CAPN11: variants seen among roughly 807,000 people sequenced by gnomAD.
CAPN11 encodes calpain-11.
Under a neutral mutation model 105.3 loss-of-function variants are expected in CAPN11, and 108 were observed. The ratio of observed to expected loss-of-function variants is 1.03; its 90% confidence interval spans 0.88 to 1.20. The LOEUF (loss-of-function observed/expected upper bound fraction) is 1.20, where lower values mean the gene tolerates loss of function less well. Ranked by LOEUF, CAPN11 falls within the 50% of genes most tolerant of loss-of-function variation. The pLI is 0.00. For synonymous variants in CAPN11, 329 were observed against 344.5 expected, an observed-to-expected ratio of 0.96 and a Z score of 0.50; for missense variants, 883 against 924.8, an observed-to-expected ratio of 0.95 and a Z score of 0.59.
intron 1 of CAPN11, among the ~76,000 whole-genome samples, chr6:44,165,912 G>A (rs2039359): frequency 0.3 from 46,075 of 151,976 alleles, 8,753 homozygotes; most frequent in Non-Finnish European, 0.42. Context: ...AATTGGAGAG[G>A]GTCTTCAGGA....
chr6:44,176,941 T>C lies in CAPN11; in HGVS notation c.1180T>C (p.Phe394Leu). 1 of 1,613,898 alleles carries C rather than the reference T, an allele frequency of 6.2e-7. No individual in the cohort carries two copies. Among genetic ancestry groups the C allele is most frequent in the Non-Finnish European group, 8.5e-7 (1 of 1,179,878 alleles). The change falls in exon 11 of 23, where the codon TTC becomes CTC. Residue 394 changes from phenylalanine (F) to leucine (L), a missense_variant. Transcript: ENST00000398776. ...GDYKSYWHTT[F>L]YEGSWRRGSS... The stretch of plus-strand genomic sequence containing the variant: ...CTACAAGAGCTACTGGCACACCACC[T>C]TCTACGAGGGCAGCTGGCGCAGAGG...
intron 18 of CAPN11, 105 bp downstream of exon 18, chr6:44,181,102 G>A (rs1773062018): frequency 8.1e-7 from 1 of 1,236,888 alleles, no homozygotes; most frequent in Non-Finnish European, 1.2e-6. Flanking sequence ...ATGGGGATTA[G>A]GCTCTGGGGT....
chr6:44,180,449 A>G lies in CAPN11; in HGVS notation c.1641-11A>G. 2 of 1,613,334 alleles carry G rather than the reference A, an allele frequency of 1.2e-6. No homozygotes were observed. Among genetic ancestry groups the G allele is most frequent in the African/African-American group, 2.7e-5 (2 of 74,858 alleles). On this transcript the variant is annotated splice_polypyrimidine_tract_variant and intron_variant, in intron 14 of 22. Coordinates refer to ENST00000398776, the MANE Select transcript of CAPN11 (RefSeq NM_007058.4). ...CCTGGTAACTCTTGAGCTTTCAATC[A>G]TTTTGCCCAGGGAATTGGATGAAGT...
At chr6:44,176,043 C>T (rs373821421) in intron 7 of CAPN11, 25 bp from the exon 8 acceptor site, 1 of 1,553,578 alleles carries the variant, frequency 6.4e-7, no homozygotes. Context: ...GCCCTCCATG[C>T]TCTCCCTCCC....
chr6:44,177,493 T>TTTCA (rs756014098), intron 12 of CAPN11, 73 bp downstream of exon 12: 1 of 786,804 alleles, frequency 1.3e-6, no homozygotes, highest in Non-Finnish European at 1.7e-6. Flanking sequence ...TCTTTCTTTC[T>TTTCA]TTTTTTTTTT....
Position 44,169,364 on chromosome 6 carries a change from G to T in CAPN11, c.172G>T (p.Ala58Ser). The stretch of plus-strand genomic sequence containing the variant: ...CAAGGGCGTGGGCCAGCACGACAAC[G>T]CCCAGAACTTTGGTAACCAGAGCTT... ...KAKGVGQHDNAQNFGNQSFEE... is the reference protein window; with the variant it reads ...KAKGVGQHDNSQNFGNQSFEE... The change falls in exon 3 of 23, where the codon GCC (alanine) becomes TCC (serine). Residue 58 changes from alanine to serine, a missense_variant. Coordinates refer to ENST00000398776, the MANE Select transcript of CAPN11 (RefSeq NM_007058.4). 6.2e-7 allele frequency: 1 copy of T among 1,613,958 alleles called. No homozygotes were observed. The highest frequency in any genetic ancestry group is 8.5e-7 in the Non-Finnish European group (1 of 1,179,888).
chr6:44,181,298 G>T lies in CAPN11; in HGVS notation c.1916G>T (p.Trp639Leu). ...KLGLLEFKILWKKLKKWMDIF... is the reference protein window; with the variant it reads ...KLGLLEFKILLKKLKKWMDIF... Reference sequence around the variant, plus strand: ...GGGCTTCTAGAGTTCAAGATCCTGTGGAAAAAACTCAAGAAATGGATGGTA... The same window carrying T: ...GGGCTTCTAGAGTTCAAGATCCTGTTGAAAAAACTCAAGAAATGGATGGTA... Residue 639 changes from tryptophan (W) to leucine (L), a missense_variant, in exon 19 of 23, where the codon TGG (tryptophan) becomes TTG (leucine). By Grantham distance (61) the Trp-to-Leu change is moderately conservative. Transcript: ENST00000398776. The T allele has an allele frequency of 6.2e-7, 1 of 1,613,384 alleles. No homozygotes were observed. Among genetic ancestry groups the T allele is most frequent in the South Asian group, 1.1e-5 (1 of 91,076 alleles).
chr6:44,173,453 C>T lies in CAPN11; in HGVS notation c.831+67C>T, dbSNP rs1771360923. 5 of 1,014,440 alleles carry T rather than the reference C, an allele frequency of 4.9e-6. No homozygotes were observed. In the East Asian group the frequency reaches 1.3e-4, roughly 26 times the overall value. The allele number at this position is 1,014,440 out of a possible 1,614,324, so 62.8% of individuals were successfully genotyped here. On this transcript the variant is annotated intron_variant, in intron 7 of 22. Coordinates refer to ENST00000398776, the MANE Select transcript of CAPN11 (RefSeq NM_007058.4). ...TGTTGCTGTCACCCAAAAGGCTCTT[C>T]CCCCAGTATCTGCACGGCCAGCACC...
At position 44,180,034 on chromosome 6, in the gene CAPN11, A is replaced by G. The variant is rs1291684011; in HGVS notation, c.1511A>G (p.Asn504Ser). ...QDHGFSEIFT[N>S]SREVSSQLRL... is the part of the protein sequence containing the mutation. ...CACGGCTTCTCAGAGATCTTCACCA[A>G]CTCACGGGAGGTGAGCAGCCAACTC... Residue 504 changes from asparagine (N) to serine (S), a missense_variant, in exon 14 of 23, where the codon AAC (asparagine) becomes AGC (serine). By Grantham distance (46) the Asn-to-Ser change is conservative (BLOSUM62 1). Coordinates refer to ENST00000398776, the MANE Select transcript of CAPN11 (RefSeq NM_007058.4). 8 of 1,612,578 alleles carry G rather than the reference A, an allele frequency of 5.0e-6. No individual in the cohort carries two copies. Among genetic ancestry groups the G allele is most frequent in the Non-Finnish European group, 6.8e-6 (8 of 1,178,810 alleles).
At chr6:44,161,652 G>T in intron 1 of CAPN11, 1 of 389,914 alleles carries the variant, frequency 2.6e-6, no homozygotes, top group South Asian at 1.8e-5. Context: ...TGACTTGTTG[G>T]GCTGGATGGT....
At chr6:44,172,918 G>A (rs562612246) in intron 5 of CAPN11, 22 bp from the exon 6 acceptor site, 2 of 1,611,494 alleles carry the variant, frequency 1.2e-6, no homozygotes, top group East Asian at 2.2e-5. Context: ...CCACGCAAGG[G>A]GTGTGTGTTT....
intron 19 of CAPN11, among the ~76,000 whole-genome samples, 164 bp downstream of exon 19, chr6:44,181,484 A>C (rs1309226945): frequency 3.7e-5 from 3 of 81,406 alleles, no homozygotes; most frequent in African/African-American, 5.2e-5. Flanking sequence ...TACAGACACA[A>C]CCACACCACA....
At chr6:44,176,510 A>T in intron 9 of CAPN11, 71 bp from the exon 10 acceptor site, 1 of 1,428,700 alleles carries the variant, frequency 7.0e-7, no homozygotes, top group Non-Finnish European at 9.9e-7. Flanking sequence ...GGGAAGAGGC[A>T]GTCCCCTGGA....
At chr6:44,164,643 A>T (rs1685042875) in intron 1 of CAPN11, among the ~76,000 whole-genome samples, 1 of 152,192 alleles carries the variant, frequency 6.6e-6, no homozygotes, top group South Asian at 2.1e-4. Context: ...AGGCACTGGG[A>T]GGCTGAACAG....
rs112910112 is a variant in CAPN11, at chr6:44,162,779, T to C, written c.16+3915T>C. Among the ~76,000 whole-genome samples, 166 of 151,304 alleles carry C rather than the reference T, an allele frequency of 1.1e-3. 2 individuals are homozygous for C. Among genetic ancestry groups the C allele is most frequent in the African/African-American group, 3.9e-3 (159 of 41,172 alleles). ...CTGGGGGAGGAATCGCATGGGAGGG[T>C]CTTCTCCACGCTCCATGTTGGGGGT... On this transcript the variant is annotated intron_variant, in intron 1 of 22. Coordinates refer to ENST00000398776, the MANE Select transcript of CAPN11 (RefSeq NM_007058.4).
chr6:44,173,291 G>A lies in CAPN11; in HGVS notation c.736G>A (p.Ala246Thr), dbSNP rs1478972127. Reference protein sequence around the residue: ...EGLEDFTGGVAQSFQLQRPPQ... With the variant: ...EGLEDFTGGVTQSFQLQRPPQ... The stretch of plus-strand genomic sequence containing the variant: ...CCTTGAGGACTTCACAGGAGGCGTG[G>A]CCCAGAGCTTCCAACTCCAGAGGCC... The change falls in exon 7 of 23, where the codon GCC becomes ACC. Residue 246 changes from alanine (A) to threonine (T), a missense_variant. Transcript: ENST00000398776. 5 of 1,613,920 alleles carry A rather than the reference G, an allele frequency of 3.1e-6. No individual in the cohort carries two copies. Among genetic ancestry groups the A allele is most frequent in the Non-Finnish European group, 4.2e-6 (5 of 1,179,866 alleles).
chr6:44,165,830 A>T (rs538516787), intron 1 of CAPN11, among the ~76,000 whole-genome samples: 3 of 152,230 alleles, frequency 2.0e-5, no homozygotes, highest in African/African-American at 7.2e-5. Context: ...AAGTTTCCAG[A>T]AGCAGTAAAG....
chr6:44,175,503 C>T (rs12528613), intron 7 of CAPN11, among the ~76,000 whole-genome samples: 48,044 of 151,628 alleles, frequency 0.32, 9,558 homozygotes, highest in Non-Finnish European at 0.44. Flanking sequence ...AAGCCGGGTG[C>T]GGTGGCTCAT....
At chr6:44,168,368 C>T (rs764936254) in intron 2 of CAPN11, among the ~76,000 whole-genome samples, 1 of 152,188 alleles carries the variant, frequency 6.6e-6, no homozygotes, top group Non-Finnish European at 1.5e-5. Flanking sequence ...CTCCTGTGTT[C>T]AAGCAATTCT....
Sources: gnomAD v4.1 joint callset for allele counts (sites outside exome capture counted in the v4.1 genomes callset) on GRCh38, gnomAD v4.1.1 for gene constraint, MANE v1.5 for transcripts, NCBI Gene and HGNC (gene_info 2026-07-23, HGNC 2026-07-21) for gene names.